SMPD2: variants seen among roughly 807,000 people sequenced by gnomAD.
The protein encoded by SMPD2 is N-SMase.
SMPD2 carries 35 observed loss-of-function variants against 41.7 expected under a neutral mutation model. The observed-to-expected ratio is 0.84, with a 90% CI of 0.64 to 1.11. SMPD2 has a LOEUF of 1.11. SMPD2 is among the 50% of genes most tolerant of loss of function. SMPD2 has a pLI of 0.00. For missense variants in SMPD2, 520 were observed against 524.8 expected (o/e 0.99, Z 0.09); for synonymous variants, 201 against 208.2 (o/e 0.97, Z 0.30).
rs761313696 is a variant in SMPD2, at chr6:109,443,430, C to CCCCA, written c.883+14_883+17dup. The CCCCA allele has an allele frequency of 9.9e-6, 16 of 1,613,004 alleles. No individual in the cohort carries two copies. The highest frequency in any genetic ancestry group is 3.3e-5 in the Admixed American group (2 of 60,002). Reference sequence around the variant, plus strand: ...CCCAGCTCTACCCACGGTGAGTCACCCCCACCCTTTCCTTGGCCCTTGCCC... The same window carrying CCCCA: ...CCCAGCTCTACCCACGGTGAGTCACCCCCACCCACCCTTTCCTTGGCCCTTGCCC... On this transcript the variant is annotated intron_variant, in intron 9 of 9. Coordinates refer to ENST00000258052, the MANE Select transcript of SMPD2 (RefSeq NM_003080.3).
At chr6:109,441,781 T>G in intron 3 of SMPD2, 153 bp downstream of exon 3, 1 of 918,990 alleles carries the variant, frequency 1.1e-6, no homozygotes, top group Non-Finnish European at 1.8e-6. Context: ...GAAGGTCCTA[T>G]GACTTCAGCC....
chr6:109,442,702 G>GA, intron 6 of SMPD2, 50 bp from the exon 7 acceptor site: 1 of 1,613,920 alleles, frequency 6.2e-7, no homozygotes, highest in Non-Finnish European at 8.5e-7. Flanking sequence ...CAGTCATGGG[G>GA]AAGAGCTGGT....
chr6:109,442,204 C>T lies in SMPD2; in HGVS notation c.319-6C>T. ...GCCCTGAGTTTCTATCTCCTCCTGCCTGCAGATCCATCATGGTGACTGGTT... is the reference window on the plus strand; with the variant it reads ...GCCCTGAGTTTCTATCTCCTCCTGCTTGCAGATCCATCATGGTGACTGGTT... On this transcript the variant is annotated splice_region_variant and splice_polypyrimidine_tract_variant and intron_variant, in intron 4 of 9. Coordinates refer to ENST00000258052, the MANE Select transcript of SMPD2 (RefSeq NM_003080.3). The T allele has an allele frequency of 6.2e-7, 1 of 1,614,036 alleles. No individual in the cohort carries two copies.
In SMPD2 at chr6:109,442,625, A is replaced by G. The variant is rs1434396600; in HGVS notation, c.491A>G (p.His164Arg). ...AQAWELAQFIHHTSKKADVVL... is the reference protein window; with the variant it reads ...AQAWELAQFIRHTSKKADVVL... ...GCTTGGGAATTGGCCCAGTTCATCC[A>G]GTGTGTGAGCCTGGGCTTGAAATGG... Residue 164 changes from histidine to arginine, a missense_variant and splice_region_variant, in exon 6 of 10, where the codon CAC (histidine) becomes CGC (arginine). By Grantham distance (29) the His-to-Arg change is conservative. Transcript: ENST00000258052. 1 of 1,614,186 alleles carries G rather than the reference A, an allele frequency of 6.2e-7. No homozygotes were observed. Among genetic ancestry groups the G allele is most frequent in the Admixed American group, 1.7e-5 (1 of 60,026 alleles).
intron 3 of SMPD2, 80 bp downstream of exon 3, chr6:109,441,708 A>C: frequency 7.7e-7 from 1 of 1,304,890 alleles, no homozygotes; most frequent in Non-Finnish European, 1.1e-6. Context: ...TCCTGCCTGC[A>C]CTCTCCAGTC....
At chr6:109,441,737 C>T (rs1385267196) in intron 3 of SMPD2, 109 bp downstream of exon 3, 12 of 1,076,758 alleles carry the variant, frequency 1.1e-5, no homozygotes, top group Non-Finnish European at 1.6e-5. Context: ...CCTCCTCTCC[C>T]TCTGGATGTG....
At position 109,440,970 on chromosome 6, in the gene SMPD2, C is replaced by G. The variant is rs1308253323; in HGVS notation, c.-152C>G. 3 of 724,832 alleles carry G rather than the reference C, an allele frequency of 4.1e-6. No homozygotes were observed. The highest frequency in any genetic ancestry group is 2.8e-5 in the East Asian group (1 of 36,322). The allele number at this position is 724,832 out of a possible 1,614,324, so 44.9% of individuals were successfully genotyped here. ...GCCGGGGGAACGCGGGAGTCGGGCC[C>G]GACCTGAGCCACGCGGGCTTGGTGC... On this transcript the variant is annotated 5_prime_UTR_variant, in exon 1 of 10. Coordinates refer to ENST00000258052, the MANE Select transcript of SMPD2 (RefSeq NM_003080.3).
chr6:109,442,270 GGC>G lies in SMPD2; in HGVS notation c.380_381del (p.Gly127AspfsTer72). ...AVGLLVLHLS[G>X]MVLNAYVTHL... ...GGGGCTGCTGGTGCTCCATCTAAGT[GGC>G]ATGGTGCTCAACGCCTATGTGACCC... On this transcript the variant is annotated frameshift_variant, in exon 5 of 10. Coordinates refer to ENST00000258052, the MANE Select transcript of SMPD2 (RefSeq NM_003080.3). LOFTEE classifies it high-confidence loss of function. 1 of 1,614,156 alleles carries G rather than the reference GGC, an allele frequency of 6.2e-7. No individual in the cohort carries two copies. Among genetic ancestry groups the G allele is most frequent in the Non-Finnish European group, 8.5e-7 (1 of 1,180,004 alleles).
intron 1 of SMPD2, 88 bp from the exon 2 acceptor site, chr6:109,441,269 G>A: frequency 6.3e-7 from 1 of 1,592,352 alleles, no homozygotes; most frequent in Non-Finnish European, 8.6e-7. Context: ...AGGGTGTAGG[G>A]AAAACCCGAA....
chr6:109,442,210 A>G lies in SMPD2; in HGVS notation c.319A>G (p.Ile107Val). The part of the protein sequence containing the change: ...IYTLNGYPYM[I>V]HHGDWFSGKA... ...AGTTTCTATCTCCTCCTGCCTGCAG[A>G]TCCATCATGGTGACTGGTTCAGTGG... is the stretch of plus-strand genomic sequence containing the variant. Residue 107 changes from isoleucine to valine, a missense_variant and splice_region_variant, in exon 5 of 10, where the codon ATC becomes GTC. By Grantham distance (29) the Ile-to-Val change is conservative (BLOSUM62 3). Transcript: ENST00000258052. 1 of 1,614,148 alleles carries G rather than the reference A, an allele frequency of 6.2e-7. No individual in the cohort carries two copies.
intron 3 of SMPD2, 81 bp downstream of exon 3, chr6:109,441,709 C>T: frequency 1.6e-6 from 2 of 1,276,680 alleles, no homozygotes; most frequent in Non-Finnish European, 2.3e-6. Flanking sequence ...CCTGCCTGCA[C>T]TCTCCAGTCT....
At position 109,441,964 on chromosome 6, in the gene SMPD2, T is replaced by G; in HGVS notation, c.225-10T>G. On this transcript the variant is annotated splice_polypyrimidine_tract_variant and intron_variant, in intron 3 of 9. Coordinates refer to ENST00000258052, the MANE Select transcript of SMPD2 (RefSeq NM_003080.3). ...GTTTTTCTGGTTATTAAGCAGGGCT[T>G]GGCTTTCAGCGGAATCATTGGCAGT... 2 of 1,613,742 alleles carry G rather than the reference T, an allele frequency of 1.2e-6. No homozygotes were observed. The highest frequency in any genetic ancestry group is 1.7e-6 in the Non-Finnish European group (2 of 1,179,590).
Position 109,440,873 on chromosome 6 carries a change from G to C in SMPD2, c.-249G>C. On this transcript the variant is annotated 5_prime_UTR_variant, in exon 1 of 10. Transcript: ENST00000258052. ...TAGCGCGCGGCCCTTACCGAGCCTG[G>C]GCGCCCGGATTTCGGCAGCGGATCG... 1 of 538,746 alleles carries C rather than the reference G, an allele frequency of 1.9e-6. No individual in the cohort carries two copies. The highest frequency in any genetic ancestry group is 3.2e-6 in the Non-Finnish European group (1 of 311,398). 33.4% of individuals were successfully genotyped at this position (538,746 alleles called of 1,614,324 possible). A position where few individuals can be genotyped will look rare whatever the true frequency, so the allele number is the denominator to read the frequency against.
Position 109,443,523 on chromosome 6 carries a change from C to T in SMPD2, c.890C>T (p.Ala297Val). Residue 297 changes from alanine (A) to valine (V), a missense_variant, in exon 10 of 10, where the codon GCA becomes GTA. By Grantham distance (64) the Ala-to-Val change is moderately conservative. Transcript: ENST00000258052. ...QQNPSSTHGPAERSPLMCVLK... is the reference protein window; with the variant it reads ...QQNPSSTHGPVERSPLMCVLK... ...CTGCCCTGCTCTGTTGTAGGACCAG[C>T]AGAGAGGTCGCCGTTGATGTGTGTG... The T allele has an allele frequency of 6.2e-7, 1 of 1,609,776 alleles. No homozygotes were observed. Among genetic ancestry groups the T allele is most frequent in the African/African-American group, 1.3e-5 (1 of 74,994 alleles).
Position 109,442,045 on chromosome 6 carries a change from C to A in SMPD2, c.296C>A (p.Thr99Asn), listed in dbSNP as rs777774426. 6.2e-7 allele frequency: 1 copy of A among 1,613,284 alleles called. No individual in the cohort carries two copies. The highest frequency in any genetic ancestry group is 8.5e-7 in the Non-Finnish European group (1 of 1,179,188). Residue 99 changes from threonine to asparagine, a missense_variant, in exon 4 of 10, where the codon ACT becomes AAT. Coordinates refer to ENST00000258052, the MANE Select transcript of SMPD2 (RefSeq NM_003080.3). ...PIQELTQHIY[T>N]LNGYPYMIHH... ...CAGGAGCTTACCCAGCACATCTACA[C>A]TCTCAATGGCTACCCCTACATGGTA... is the stretch of plus-strand genomic sequence containing the variant.
At chr6:109,443,129 C>G in intron 8 of SMPD2, 48 bp downstream of exon 8, 2 of 1,560,694 alleles carry the variant, frequency 1.3e-6, no homozygotes, top group Middle Eastern at 1.7e-4. Context: ...GTCTCTTTGT[C>G]TACTAACCTG....
intron 6 of SMPD2, 45 bp from the exon 7 acceptor site, chr6:109,442,707 G>C (rs755995598): frequency 2.5e-6 from 4 of 1,613,628 alleles, no homozygotes; most frequent in Admixed American, 3.3e-5. Context: ...ATGGGGAAGA[G>C]CTGGTGATGG....
chr6:109,441,260 G>A (rs1774864524), intron 1 of SMPD2, 89 bp downstream of exon 1: 2 of 1,594,518 alleles, frequency 1.3e-6, no homozygotes, highest in Non-Finnish European at 1.7e-6. Context: ...CACGATCTCA[G>A]GGTGTAGGGA....
In SMPD2 at chr6:109,443,888, A is replaced by G; in HGVS notation, c.1255A>G (p.Arg419Gly). 1.2e-6 allele frequency: 2 copies of G among 1,607,600 alleles called. No homozygotes were observed. The highest frequency in any genetic ancestry group is 2.2e-5 in the East Asian group (1 of 44,768). The stretch of plus-strand genomic sequence containing the variant: ...ACTCCTGGGGCAGCAGGAGGGGGAC[A>G]GAACTAAAGAACAATAAAGCTTGGC... ...ALLLGQQEGDRTKEQ is the reference protein window; with the variant it reads ...ALLLGQQEGDGTKEQ The change falls in exon 10 of 10, where the codon AGA (arginine) becomes GGA (glycine). Residue 419 changes from arginine (R) to glycine (G), a missense_variant. Physicochemically the swap from Arg to Gly is moderately radical, Grantham distance 125 (BLOSUM62 -2). Transcript: ENST00000258052.
Sources: gnomAD v4.1 joint callset for allele counts on GRCh38, gnomAD v4.1.1 for gene constraint, MANE v1.5 for transcripts, NCBI Gene and HGNC (gene_info 2026-07-23, HGNC 2026-07-21) for gene names.